MMP3: variants seen among roughly 807,000 people sequenced by gnomAD.
MMP3 encodes matrix metallopeptidase 3.
MMP3 carries 46 observed loss-of-function variants against 47.3 expected under a neutral mutation model. That is an observed-to-expected ratio of 0.97 (90% CI 0.77 to 1.24). The LOEUF (loss-of-function observed/expected upper bound fraction) is 1.24. Among genes scored for constraint, MMP3 ranks in the 50% most tolerant of loss-of-function variants. The pLI is 0.00. For missense variants in MMP3, 558 were observed against 565.5 expected (o/e 0.99, Z 0.13); for synonymous variants, 216 against 206.5 (o/e 1.05, Z -0.39).
intron 4 of MMP3, 109 bp downstream of exon 4, chr11:102,842,045 C>T (rs751750645): frequency 9.2e-7 from 1 of 1,090,424 alleles, no homozygotes; most frequent in Non-Finnish European, 1.2e-6. Flanking sequence ...GATCTCTGAT[C>T]CACTGGAAAA....
At position 102,842,748 on chromosome 11, in the gene MMP3, A is replaced by T; in HGVS notation, c.274T>A (p.Cys92Ser). 1 of 1,613,930 alleles carries T rather than the reference A, an allele frequency of 6.2e-7. No homozygotes were observed. The highest frequency in any genetic ancestry group is 8.5e-7 in the Non-Finnish European group (1 of 1,179,958). The change falls in exon 2 of 10, where the codon TGT (cysteine) becomes AGT (serine). Residue 92 changes from cysteine (C) to serine (S), a missense_variant. Coordinates refer to ENST00000299855, the MANE Select transcript of MMP3 (RefSeq NM_002422.5). ...DTLEVMRKPR[C>S]GVPDVGHFRT... is the part of the protein sequence containing the mutation. Reference sequence around the variant, plus strand: ...AAGTGACCAACATCAGGAACTCCACACCTGGGCTTGCGCATCACCTCCAGA... The same window carrying T: ...AAGTGACCAACATCAGGAACTCCACTCCTGGGCTTGCGCATCACCTCCAGA...
intron 6 of MMP3, among the ~76,000 whole-genome samples, chr11:102,839,554 C>A (rs566931606): frequency 6.6e-6 from 1 of 152,318 alleles, no homozygotes; most frequent in South Asian, 2.1e-4. Context: ...GTGTGCTATA[C>A]CCTCTTCCAA....
rs1340947713 is a variant in MMP3 at position 102,839,383 on chromosome 11, G to A, written c.936-140C>T. 10 of 964,186 alleles carry A rather than the reference G, an allele frequency of 1.0e-5. No homozygotes were observed. The African/African-American group carries it at 1.5e-4, about 15-fold the overall frequency. The allele number at this position is 964,186 out of a possible 1,614,324, so 59.7% of individuals were successfully genotyped here. A position where few individuals can be genotyped will look rare whatever the true frequency, so the allele number is the denominator to read the frequency against. On this transcript the variant is annotated intron_variant, in intron 6 of 9. Transcript: ENST00000299855. ...ATGACAGATAGAAATCAGGTATATT[G>A]CCATTAGAAAATTTCTTTCCTTTTT...
At position 102,840,562 on chromosome 11, in the gene MMP3, T is replaced by G. The variant is rs782711373; in HGVS notation, c.657A>C (p.Glu219Asp). The G allele has an allele frequency of 3.1e-6, 5 of 1,613,448 alleles. No homozygotes were observed. The Admixed American group carries it at 8.4e-5, about 27-fold the overall frequency. The stretch of plus-strand genomic sequence containing the variant: ...GAAAGAGACCCAGGGAGTGGCCAAT[T>G]TCATGAGCAGCAACGAGAAATAAAT... ...GTNLFLVAAH[E>D]IGHSLGLFHS... The change falls in exon 5 of 10, where the codon GAA becomes GAC. Residue 219 changes from glutamate to aspartate, a missense_variant. Coordinates refer to ENST00000299855, the MANE Select transcript of MMP3 (RefSeq NM_002422.5).
chr11:102,836,630 C>T lies in MMP3; in HGVS notation c.1334-404G>A, dbSNP rs1020038255. The T allele has an allele frequency of 2.2e-6, 1 of 462,156 alleles. No individual in the cohort carries two copies. Among genetic ancestry groups the T allele is most frequent in the African/African-American group, 2.0e-5 (1 of 49,862 alleles). 28.6% of individuals were successfully genotyped at this position (462,156 alleles called of 1,614,324 possible). A position where few individuals can be genotyped will look rare whatever the true frequency, so the allele number is the denominator to read the frequency against. On this transcript the variant is annotated intron_variant, in intron 9 of 9. Transcript: ENST00000299855. This position sits in a 1 kb window ranked among gnomAD's most constrained non-coding sequence, Gnocchi z 4.6. ...TCTCATCACCTATTTCTTTCTTCCC[C>T]AAAAATCCTCCTCCCTTTTCCCTGC...
rs994165007 is a variant in MMP3 at position 102,837,609 on chromosome 11, C to T, written c.1230-208G>A. Among the ~76,000 whole-genome samples, 1 of 152,156 alleles carries T rather than the reference C, an allele frequency of 6.6e-6. No individual in the cohort carries two copies. The highest frequency in any genetic ancestry group is 1.5e-5 in the Non-Finnish European group (1 of 68,048). On this transcript the variant is annotated intron_variant, in intron 8 of 9. Coordinates refer to ENST00000299855, the MANE Select transcript of MMP3 (RefSeq NM_002422.5). The surrounding 1 kb of genome is among the most constrained non-coding windows in gnomAD (Gnocchi z 4.4). ...ATATCTCCATCCGGAACAGGGGCCG[C>T]ATCCTGCTGTATGTAGCACATGCTG... is the stretch of plus-strand genomic sequence containing the variant.
intron 3 of MMP3, 28 bp downstream of exon 3, chr11:102,842,403 G>GGTTTTT: frequency 1.1e-6 from 1 of 918,300 alleles, no homozygotes. Context: ...GTTTTGTTTT[G>GGTTTTT]CTTTTTTTTT....
chr11:102,842,832 T>A lies in MMP3; in HGVS notation c.190A>T (p.Ile64Phe). The A allele has an allele frequency of 6.2e-7, 1 of 1,613,792 alleles. No individual in the cohort carries two copies. The highest frequency in any genetic ancestry group is 8.5e-7 in the Non-Finnish European group (1 of 1,179,880). ...RKDSGPVVKK[I>F]REMQKFLGLE... ...CCAAGGAACTTCTGCATTTCTCGGATTTTTTTAACAACAGGACCACTGTCC... is the reference window on the plus strand; with the variant it reads ...CCAAGGAACTTCTGCATTTCTCGGAATTTTTTAACAACAGGACCACTGTCC... Residue 64 changes from isoleucine to phenylalanine, a missense_variant, in exon 2 of 10, where the codon ATC becomes TTC. Transcript: ENST00000299855.
intron 4 of MMP3, among the ~76,000 whole-genome samples, chr11:102,840,825 C>T (rs1303728990): frequency 3.3e-5 from 5 of 152,112 alleles, no homozygotes; most frequent in African/African-American, 1.2e-4. Flanking sequence ...GTTACATCCA[C>T]TTGCCCCCCA....
At position 102,843,425 on chromosome 11, in the gene MMP3, C is replaced by T; in HGVS notation, c.105+17G>A. 1 of 1,592,172 alleles carries T rather than the reference C, an allele frequency of 6.3e-7. No individual in the cohort carries two copies. The highest frequency in any genetic ancestry group is 2.2e-5 in the East Asian group (1 of 44,718). On this transcript the variant is annotated intron_variant, in intron 1 of 9. Transcript: ENST00000299855. ...CTGGAAGCTCCCCACCTGGCCAGGT[C>T]AGTTAGTGTTAATTACCTGAACAAG...
Position 102,840,144 on chromosome 11 carries a change from C to T in MMP3, c.899G>A (p.Ser300Asn). Residue 300 changes from serine to asparagine, a missense_variant, in exon 6 of 10, where the codon AGC becomes AAC. Coordinates refer to ENST00000299855, the MANE Select transcript of MMP3 (RefSeq NM_002422.5). ...GATCAGGATTTCTCCCCTCAGAGTG[C>T]TGACAGCATCAAAGGACAAAGCAGG... ...CDPALSFDAV[S>N]TLRGEILIFK... The T allele has an allele frequency of 6.2e-7, 1 of 1,614,056 alleles. No individual in the cohort carries two copies. Among genetic ancestry groups the T allele is most frequent in the South Asian group, 1.1e-5 (1 of 91,072 alleles).
intron 4 of MMP3, 97 bp from the exon 5 acceptor site, chr11:102,840,690 C>G: frequency 1.6e-6 from 2 of 1,235,820 alleles, no homozygotes; most frequent in African/African-American, 1.5e-5. Flanking sequence ...CTTCTTGGAA[C>G]CACACAGGGC....
chr11:102,841,280 A>G (rs1327963233), intron 4 of MMP3, among the ~76,000 whole-genome samples: 1 of 152,196 alleles, frequency 6.6e-6, no homozygotes, highest in East Asian at 1.9e-4. Flanking sequence ...ATTATGATCA[A>G]TATAGTAAGT....
chr11:102,840,348 A>G, intron 5 of MMP3, 81 bp downstream of exon 5: 1 of 1,586,934 alleles, frequency 6.3e-7, no homozygotes, highest in Non-Finnish European at 8.6e-7. Context: ...TAAATCATAA[A>G]TACTTTATGT....
At chr11:102,843,366 G>A in intron 1 of MMP3, 76 bp downstream of exon 1, 1 of 981,920 alleles carries the variant, frequency 1.0e-6, no homozygotes. Flanking sequence ...ATTCTATGTG[G>A]GTTTTAAGAC....
rs1859032875 is a variant in MMP3 at position 102,842,808 on chromosome 11, C to T, written c.214G>A (p.Gly72Arg). Residue 72 changes from glycine to arginine, a missense_variant, in exon 2 of 10, where the codon GGA becomes AGA. Physicochemically the swap from Gly to Arg is moderately radical, Grantham distance 125. Coordinates refer to ENST00000299855, the MANE Select transcript of MMP3 (RefSeq NM_002422.5). ...KKIREMQKFLGLEVTGKLDSD... is the reference protein window; with the variant it reads ...KKIREMQKFLRLEVTGKLDSD... ...TCCAGCTTCCCCGTCACCTCCAATC[C>T]AAGGAACTTCTGCATTTCTCGGATT... 1 of 1,613,918 alleles carries T rather than the reference C, an allele frequency of 6.2e-7. No individual in the cohort carries two copies. The highest frequency in any genetic ancestry group is 8.5e-7 in the Non-Finnish European group (1 of 1,179,946).
intron 4 of MMP3, among the ~76,000 whole-genome samples, chr11:102,840,805 T>G (rs1222323678): frequency 6.6e-6 from 1 of 152,176 alleles, no homozygotes; most frequent in Non-Finnish European, 1.5e-5. Context: ...TCTTTGAGAT[T>G]GATTTCCCAG....
rs914210124 is a variant in MMP3 at position 102,837,496 on chromosome 11, C to T, written c.1230-95G>A. 4 of 870,926 alleles carry T rather than the reference C, an allele frequency of 4.6e-6. No individual in the cohort carries two copies. The highest frequency in any genetic ancestry group is 2.3e-5 in the Admixed American group (1 of 44,064). 53.9% of individuals were successfully genotyped at this position (870,926 alleles called of 1,614,324 possible). ...AGGTTTAATGTGGAATTTTACTAAA[C>T]TTTATAAATACTGCAAATAAATGCC... On this transcript the variant is annotated intron_variant, in intron 8 of 9. Coordinates refer to ENST00000299855, the MANE Select transcript of MMP3 (RefSeq NM_002422.5). The surrounding 1 kb of genome is among the most constrained non-coding windows in gnomAD (Gnocchi z 4.4).
At chr11:102,839,025 G>A (rs1858940137) in intron 7 of MMP3, 85 bp downstream of exon 7, 2 of 1,455,680 alleles carry the variant, frequency 1.4e-6, no homozygotes, top group African/African-American at 2.8e-5. Flanking sequence ...GCCAGAACTT[G>A]TAGTAGGGAA....
Sources: gnomAD v4.1 joint callset for allele counts (sites outside exome capture counted in the v4.1 genomes callset) on GRCh38, gnomAD v4.1.1 for gene constraint, Gnocchi (gnomAD v3.1) non-coding constraint, MANE v1.5 for transcripts, NCBI Gene and HGNC (gene_info 2026-07-23, HGNC 2026-07-21) for gene names.